The following PCLO variants were observed in gnomAD, a reference collection of about 807,000 sequenced individuals.
PCLO encodes piccolo presynaptic cytomatrix protein.
PCLO carries 82 observed loss-of-function variants against 427.5 expected under a neutral mutation model. That is an observed-to-expected ratio of 0.19 (90% CI 0.16 to 0.23). The LOEUF (loss-of-function observed/expected upper bound fraction) is 0.23. Among genes scored for constraint, PCLO ranks in the 10% least tolerant of loss-of-function variants. PCLO has a pLI of 1.00. For synonymous variants in PCLO, 2,357 were observed against 2,155.4 expected (o/e 1.09, Z -2.59); for missense variants, 6,239 against 6,115.9 (o/e 1.02, Z -0.67).
intron 3 of PCLO, among the ~76,000 whole-genome samples, chr7:83,118,568 C>T (rs889451285): frequency 6.6e-6 from 1 of 151,920 alleles, no homozygotes; most frequent in African/African-American, 2.4e-5. Context: ...GATTGTAGGA[C>T]CCTGCATTGG....
chr7:83,134,741 A>G lies in PCLO; in HGVS notation c.2809T>C (p.Ser937Pro), dbSNP rs769538086. 3.7e-6 allele frequency: 6 copies of G among 1,613,892 alleles called. No individual in the cohort carries two copies. The highest frequency in any genetic ancestry group is 4.2e-6 in the Non-Finnish European group (5 of 1,179,862). ...AAATTTGATGCCTGGCTGAAGATTG[A>G]TGCTCCAAACCCAAAGAGTTTCCCA... is the stretch of plus-strand genomic sequence containing the variant. ...VTGKLFGFGA[S>P]IFSQASNLIS... The change falls in exon 3 of 25, where the codon TCA becomes CCA. Residue 937 changes from serine (S) to proline (P), a missense_variant. This residue lies in a region of PCLO where 4,677 missense variants were observed against 4,468.4 expected (regional missense o/e 1.05). Transcript: ENST00000333891.
chr7:82,884,775 T>C (rs1793591032), intron 9 of PCLO, among the ~76,000 whole-genome samples: 1 of 152,070 alleles, frequency 6.6e-6, no homozygotes, highest in Non-Finnish European at 1.5e-5. Context: ...GGCCAGGACG[T>C]GGGGTGAGGT....
chr7:83,143,992 T>C (rs1295055925), intron 2 of PCLO, among the ~76,000 whole-genome samples: 1 of 152,212 alleles, frequency 6.6e-6, no homozygotes, highest in Admixed American at 6.5e-5. Flanking sequence ...AAGATTATAT[T>C]AGTGAAAAGA....
At chr7:82,803,902 G>A (rs1284357067) in intron 21 of PCLO, among the ~76,000 whole-genome samples, 1 of 151,954 alleles carries the variant, frequency 6.6e-6, no homozygotes, top group Admixed American at 6.6e-5. Context: ...AAGAGAAACA[G>A]GAAAATGGGA....
intron 1 of PCLO, among the ~76,000 whole-genome samples, chr7:83,158,487 C>G (rs143020260): frequency 7.4e-4 from 112 of 151,644 alleles, no homozygotes; most frequent in African/African-American, 2.5e-3. Context: ...CTTCCCTGTA[C>G]AGAGTCCTAT....
intron 2 of PCLO, among the ~76,000 whole-genome samples, chr7:83,139,625 A>G (rs1245946441): frequency 6.6e-6 from 1 of 152,206 alleles, no homozygotes; most frequent in Non-Finnish European, 1.5e-5. Context: ...CTGTCCCTTC[A>G]CAGGGAGAGA....
At position 82,956,482 on chromosome 7, in the gene PCLO, T is replaced by C. The variant is rs774260235; in HGVS notation, c.4471A>G (p.Lys1491Glu). ...AACTCAGACTTCTCTTTATGGTCCT[T>C]GCTGGAAGGAATATCTTGTTGGCTA... ...KDSQQDIPSSKDHKEKSEFVD... is the reference protein window; with the variant it reads ...KDSQQDIPSSEDHKEKSEFVD... The change falls in exon 5 of 25, where the codon AAG (lysine) becomes GAG (glutamate). Residue 1491 changes from lysine to glutamate, a missense_variant. Transcript: ENST00000333891. 6.2e-7 allele frequency: 1 copy of C among 1,613,876 alleles called. No homozygotes were observed. Among genetic ancestry groups the C allele is most frequent in the East Asian group, 2.2e-5 (1 of 44,872 alleles).
At chr7:82,871,243 T>C (rs1235761612) in intron 10 of PCLO, among the ~76,000 whole-genome samples, 1 of 151,944 alleles carries the variant, frequency 6.6e-6, no homozygotes, top group African/African-American at 2.4e-5. Flanking sequence ...AAAACTGTGG[T>C]ATCAATACAT....
intron 22 of PCLO, among the ~76,000 whole-genome samples, chr7:82,774,678 T>C (rs1159840038): frequency 2.0e-5 from 3 of 152,264 alleles, no homozygotes; most frequent in South Asian, 4.1e-4. Flanking sequence ...ACTTAGCCTC[T>C]CCCATTATAA....
chr7:82,987,607 T>C (rs1319477240), intron 3 of PCLO, among the ~76,000 whole-genome samples: 2 of 152,030 alleles, frequency 1.3e-5, no homozygotes, highest in African/African-American at 4.8e-5. Context: ...TACTAAGTTA[T>C]GTAGCCAAAC....
chr7:83,027,402 C>G (rs1219946411), intron 3 of PCLO, among the ~76,000 whole-genome samples: 1 of 152,042 alleles, frequency 6.6e-6, no homozygotes, highest in Non-Finnish European at 1.5e-5. Context: ...CAAGACTAAA[C>G]CAGGAAGAAG....
intron 3 of PCLO, among the ~76,000 whole-genome samples, chr7:82,991,021 T>C (rs1796364204): frequency 6.6e-6 from 1 of 152,140 alleles, no homozygotes; most frequent in Admixed American, 6.6e-5. Context: ...TAAAAAGTAG[T>C]CATTTGTTAT....
At chr7:83,052,972 T>G (rs2116273124) in intron 3 of PCLO, among the ~76,000 whole-genome samples, 1 of 152,104 alleles carries the variant, frequency 6.6e-6, no homozygotes, top group South Asian at 2.1e-4. Flanking sequence ...GTCTGAATAA[T>G]TTTTTAAAAG....
At chr7:82,931,585 G>A (rs182231846) in intron 6 of PCLO, among the ~76,000 whole-genome samples, 204 of 152,176 alleles carry the variant, frequency 1.3e-3, no homozygotes, top group African/African-American at 4.6e-3. Flanking sequence ...ATTTGGACAC[G>A]GGAGGCCTGT....
intron 22 of PCLO, among the ~76,000 whole-genome samples, chr7:82,770,957 GT>G (rs1790634466): frequency 6.6e-6 from 1 of 151,850 alleles, no homozygotes; most frequent in Admixed American, 6.6e-5. Context: ...TCTGAACAAA[GT>G]TTCTTACTTC....
chr7:83,020,685 G>A (rs1788321701), intron 3 of PCLO, among the ~76,000 whole-genome samples: 1 of 152,152 alleles, frequency 6.6e-6, no homozygotes, highest in Admixed American at 6.6e-5. Context: ...TACCCAGTCT[G>A]TAGTAAAGTA....
intron 22 of PCLO, among the ~76,000 whole-genome samples, chr7:82,780,182 T>C (rs2129468077): frequency 6.6e-6 from 1 of 152,294 alleles, no homozygotes; most frequent in East Asian, 1.9e-4. Context: ...AATTGGCTGT[T>C]TACATCTTAC....
intron 7 of PCLO, among the ~76,000 whole-genome samples, chr7:82,910,430 G>A (rs1173204940): frequency 1.3e-5 from 2 of 152,108 alleles, no homozygotes; most frequent in Non-Finnish European, 2.9e-5. Context: ...GAGCAACGAT[G>A]TGTCATGGGT....
rs1245507155 is a variant in PCLO, at chr7:82,916,458, C to T, written c.11528G>A (p.Arg3843Lys). ...ATGCTGACTTTCTATTCGGGTTGGTCTTGTGCTACTCACTTCACTGTCAGA... is the reference window on the plus strand; with the variant it reads ...ATGCTGACTTTCTATTCGGGTTGGTTTTGTGCTACTCACTTCACTGTCAGA... The part of the protein sequence containing the change: ...YMSDSEVSST[R>K]PTRIESQHGI... The change falls in exon 7 of 25, where the codon AGA becomes AAA. Residue 3843 changes from arginine (R) to lysine (K), a missense_variant. Around this residue, in one of 5 missense-constraint regions of PCLO, gnomAD observed 680 missense variants for 677.3 expected, o/e 1.00. Coordinates refer to ENST00000333891, the MANE Select transcript of PCLO (RefSeq NM_033026.6). 1 of 1,613,746 alleles carries T rather than the reference C, an allele frequency of 6.2e-7. No individual in the cohort carries two copies.
Sources: allele counts gnomAD v4.1 joint callset (sites outside exome capture counted in the v4.1 genomes callset), GRCh38; gene constraint gnomAD v4.1.1; regional missense constraint gnomAD v4.1.1; transcripts MANE v1.5; gene names NCBI Gene and HGNC (gene_info 2026-07-23, HGNC 2026-07-21).